Variants in SLC24A3 observed in about 807,000 individuals in gnomAD.
SLC24A3 encodes solute carrier family 24 member 3, also known as sodium/potassium/calcium exchanger 3.
In SLC24A3, 28 loss-of-function variants were observed where a neutral mutation model predicts 75.8. The ratio of observed to expected loss-of-function variants is 0.37; its 90% CI spans 0.27 to 0.51. The LOEUF is 0.51. Ranked by LOEUF, SLC24A3 falls within the 20% of genes least tolerant of loss-of-function variation. The pLI, the probability that SLC24A3 is intolerant of heterozygous loss-of-function variation, is 0.94. For missense variants in SLC24A3, 663 were observed against 847.8 expected (o/e 0.78, Z 2.71); for synonymous variants, 372 against 334.1 (o/e 1.11, Z -1.24).
intron 6 of SLC24A3, among the ~76,000 whole-genome samples, chr20:19,634,590 T>C (rs1305963504): frequency 6.6e-6 from 1 of 152,126 alleles, no homozygotes; most frequent in Non-Finnish European, 1.5e-5. Context: ...AGAAAATTAT[T>C]GATACACATA....
In SLC24A3 at chr20:19,608,383, G is replaced by A. The variant is rs182593625; in HGVS notation, c.612+22839G>A. 4.6e-5 allele frequency among the ~76,000 whole-genome samples: 7 copies of A among 152,290 alleles called. No individual in the cohort carries two copies. The East Asian group carries it at 1.2e-3, about 25-fold the overall frequency. On this transcript the variant is annotated intron_variant, in intron 6 of 16. Transcript: ENST00000328041. ...GACCACAAGAAATGTGAAGTTACTG[G>A]TTGGTAAATGATTACCAAATGGATT...
intron 2 of SLC24A3, among the ~76,000 whole-genome samples, chr20:19,418,407 A>G (rs1986861160): frequency 1.3e-5 from 2 of 152,170 alleles, no homozygotes; most frequent in South Asian, 4.1e-4. Context: ...CATAAAGTTG[A>G]GGAAATCTCC....
intron 3 of SLC24A3, among the ~76,000 whole-genome samples, chr20:19,530,235 G>A (rs1299329284): frequency 1.3e-5 from 2 of 152,238 alleles, no homozygotes; most frequent in African/African-American, 4.8e-5. Flanking sequence ...CATGGGCAGA[G>A]ACTTTTGTTT....
At chr20:19,325,757 C>CATATATATATATAT (rs1568589763) in intron 2 of SLC24A3, among the ~76,000 whole-genome samples, 2 of 39,600 alleles carry the variant, frequency 5.1e-5, no homozygotes, top group African/African-American at 3.2e-4. Context: ...TGTGTGTATA[C>CATATATATATATAT]ATACATACAT....
At chr20:19,452,256 T>C (rs1987495538) in intron 2 of SLC24A3, among the ~76,000 whole-genome samples, 1 of 152,184 alleles carries the variant, frequency 6.6e-6, no homozygotes, top group South Asian at 2.1e-4. Flanking sequence ...TAGGTTCACA[T>C]CAAAATCTAC....
intron 2 of SLC24A3, among the ~76,000 whole-genome samples, chr20:19,477,271 G>T (rs1400100496): frequency 6.6e-6 from 1 of 152,198 alleles, no homozygotes; most frequent in Non-Finnish European, 1.5e-5. Flanking sequence ...AAACTGGCTG[G>T]ACCCTGGGCT....
intron 2 of SLC24A3, among the ~76,000 whole-genome samples, chr20:19,342,648 A>C (rs1023168933): frequency 1.3e-4 from 20 of 152,224 alleles, no homozygotes; most frequent in African/African-American, 4.8e-4. Flanking sequence ...TGGAAGAAGG[A>C]GTGTCTTTTT....
intron 2 of SLC24A3, among the ~76,000 whole-genome samples, chr20:19,458,025 T>A (rs967464002): frequency 1.3e-5 from 2 of 152,298 alleles, no homozygotes; most frequent in Admixed American, 1.3e-4. Context: ...ACTCTACAGT[T>A]TCATAATGAC....
intron 6 of SLC24A3, among the ~76,000 whole-genome samples, chr20:19,604,638 C>T (rs2031572415): frequency 2.0e-5 from 3 of 152,162 alleles, no homozygotes; most frequent in African/African-American, 7.2e-5. Flanking sequence ...TGAAGGTGCT[C>T]AGTGGTTCTA....
At chr20:19,542,268 T>C (rs1486298615) in intron 3 of SLC24A3, among the ~76,000 whole-genome samples, 9 of 152,172 alleles carry the variant, frequency 5.9e-5, no homozygotes, top group Non-Finnish European at 1.3e-4. Context: ...TTACTAGGTA[T>C]TGAAATTGTA....
At chr20:19,350,204 T>A (rs528306173) in intron 2 of SLC24A3, among the ~76,000 whole-genome samples, 6 of 152,254 alleles carry the variant, frequency 3.9e-5, no homozygotes, top group Admixed American at 3.9e-4. Flanking sequence ...AACTTTTTTA[T>A]GTGATATTTC....
chr20:19,421,689 G>A (rs180673770), intron 2 of SLC24A3, among the ~76,000 whole-genome samples: 19 of 152,300 alleles, frequency 1.2e-4, no homozygotes, highest in Admixed American at 1.2e-3. Context: ...AGAAAAACGG[G>A]ATTTACTGGG....
intron 2 of SLC24A3, among the ~76,000 whole-genome samples, chr20:19,468,761 A>T (rs1484805196): frequency 6.6e-6 from 1 of 152,150 alleles, no homozygotes; most frequent in Admixed American, 6.5e-5. Flanking sequence ...TATGGCCCAG[A>T]TTAAGTGTAT....
rs115283306 is a variant in SLC24A3, at chr20:19,255,589, C to T, written c.143-25370C>T. On this transcript the variant is annotated intron_variant, in intron 1 of 16. Coordinates refer to ENST00000328041, the MANE Select transcript of SLC24A3 (RefSeq NM_020689.4). ...GCTCAGATGGAGCCATTAACTGGCA[C>T]GTGGCCTTGGGGCAAGTCATTGTCC... Among the ~76,000 whole-genome samples the T allele has an allele frequency of 1.5e-3, 235 of 152,290 alleles. 2 individuals are homozygous for T. The highest frequency in any genetic ancestry group is 5.0e-3 in the African/African-American group (207 of 41,552).
intron 2 of SLC24A3, among the ~76,000 whole-genome samples, chr20:19,285,519 C>T (rs1449624613): frequency 1.4e-5 from 2 of 147,308 alleles, no homozygotes; most frequent in African/African-American, 5.0e-5. Context: ...TTTCCTTTGC[C>T]CCTTGAAGAC....
chr20:19,600,066 T>TG (rs1333362737), intron 6 of SLC24A3, among the ~76,000 whole-genome samples: 1 of 152,162 alleles, frequency 6.6e-6, no homozygotes, highest in East Asian at 1.9e-4. Context: ...TGAAGGCCCG[T>TG]GGGGGTCATT....
intron 2 of SLC24A3, among the ~76,000 whole-genome samples, chr20:19,463,934 C>G (rs1009660331): frequency 6.6e-6 from 1 of 152,204 alleles, no homozygotes; most frequent in Non-Finnish European, 1.5e-5. Context: ...GGTGCTTTTT[C>G]TGCCTACTCT....
intron 3 of SLC24A3, among the ~76,000 whole-genome samples, chr20:19,526,107 C>T (rs2030194841): frequency 6.6e-6 from 1 of 152,184 alleles, no homozygotes; most frequent in Non-Finnish European, 1.5e-5. Context: ...CCCGATAGCT[C>T]TTCTTTCTAT....
intron 2 of SLC24A3, among the ~76,000 whole-genome samples, chr20:19,297,874 C>G (rs1342452656): frequency 2.0e-5 from 3 of 152,186 alleles, no homozygotes; most frequent in African/African-American, 7.2e-5. Context: ...CCTTCCAAAG[C>G]AGAACCATGA....
Sources: gnomAD v4.1 joint callset for allele counts (sites outside exome capture counted in the v4.1 genomes callset) on GRCh38, gnomAD v4.1.1 for gene constraint, MANE v1.5 for transcripts, NCBI Gene and HGNC (gene_info 2026-07-23, HGNC 2026-07-21) for gene names.